The following NOS1 variants were observed in gnomAD, a reference collection of about 807,000 sequenced individuals.
The protein encoded by NOS1 is nitric oxide synthase 1, also known as NOS type I.
A neutral mutation model predicts 164.5 loss-of-function variants in NOS1; 51 were observed. The observed-to-expected ratio is 0.31, with a 90% CI of 0.25 to 0.39. The LOEUF is 0.39. Ranked by LOEUF, NOS1 falls within the 10% of genes least tolerant of loss-of-function variation. The probability of loss-of-function intolerance (pLI) is 1.00; values close to 1 mark genes in which losing one functional copy is unlikely to be tolerated. For synonymous variants in NOS1, 719 were observed against 745.8 expected (o/e 0.96, Z 0.59); for missense variants, 1,362 against 1,885.6 (o/e 0.72, Z 5.14).
rs1442514284 is a variant in NOS1 at position 117,211,004 on chromosome 12, T to A, written c.*4305A>T. The A allele has an allele frequency of 1.1e-6, 1 of 876,904 alleles. No homozygotes were observed. The highest frequency in any genetic ancestry group is 1.4e-6 in the Non-Finnish European group (1 of 731,266). 54.3% of individuals were successfully genotyped at this position (876,904 alleles called of 1,614,324 possible). A position where few individuals can be genotyped will look rare whatever the true frequency, so the allele number is the denominator to read the frequency against. ...AAGAGTCTTGCTCTGTCACCCAGGC[T>A]GGAGTGCAGTGGTACAATCTTGGCT... On this transcript the variant is annotated 3_prime_UTR_variant, in exon 29 of 29. Coordinates refer to ENST00000317775, the MANE Select transcript of NOS1 (RefSeq NM_000620.5).
intron 21 of NOS1, 86 bp from the exon 22 acceptor site, chr12:117,232,217 A>G: frequency 7.7e-7 from 1 of 1,292,608 alleles, no homozygotes; most frequent in East Asian, 2.4e-5. Flanking sequence ...GGAGCAGAGG[A>G]TGGGGCCAGG....
intron 3 of NOS1, among the ~76,000 whole-genome samples, chr12:117,303,589 A>G (rs1391043763): frequency 2.6e-5 from 4 of 152,044 alleles, no homozygotes; most frequent in Admixed American, 2.6e-4. Context: ...TGAAAACACC[A>G]CTTCCCAGGT....
chr12:117,243,663 T>A lies in NOS1; in HGVS notation c.2824-228A>T, dbSNP rs991281819. ...CTACCCTTTCGTTGTCTTCCTTCCATCCATTCACCCATCCACTCATCTACT... is the reference window on the plus strand; with the variant it reads ...CTACCCTTTCGTTGTCTTCCTTCCAACCATTCACCCATCCACTCATCTACT... On this transcript the variant is annotated intron_variant, in intron 18 of 28. Coordinates refer to ENST00000317775, the MANE Select transcript of NOS1 (RefSeq NM_000620.5). The surrounding 1 kb of genome is among the most constrained non-coding windows in gnomAD (Gnocchi z 4.3). Among the ~76,000 whole-genome samples the A allele has an allele frequency of 3.3e-5, 5 of 151,232 alleles. No individual in the cohort carries two copies. Among genetic ancestry groups the A allele is most frequent in the African/African-American group, 1.2e-4 (5 of 41,128 alleles).
intron 7 of NOS1, among the ~76,000 whole-genome samples, chr12:117,282,095 T>C (rs1011199124): frequency 3.9e-5 from 6 of 152,172 alleles, no homozygotes; most frequent in Admixed American, 1.3e-4. Flanking sequence ...AGATGTTGTC[T>C]GCTGAAGGTC....
At chr12:117,252,364 T>C (rs1871165133) in intron 17 of NOS1, among the ~76,000 whole-genome samples, 1 of 152,174 alleles carries the variant, frequency 6.6e-6, no homozygotes, top group Non-Finnish European at 1.5e-5. Context: ...GTAAAAAATA[T>C]GCAGTGACCA....
intron 19 of NOS1, 132 bp from the exon 20 acceptor site, chr12:117,242,837 G>A: frequency 1.3e-6 from 1 of 745,680 alleles, no homozygotes; most frequent in East Asian, 2.6e-5. Context: ...GATCACTTGA[G>A]GCCAGGGGTT....
intron 1 of NOS1, among the ~76,000 whole-genome samples, chr12:117,360,954 C>A (rs1241920915): frequency 1.3e-5 from 2 of 152,180 alleles, no homozygotes; most frequent in Non-Finnish European, 2.9e-5. Flanking sequence ...GCGTAGACCC[C>A]CGGACCGGAG....
rs141135081 is a variant in NOS1, at chr12:117,295,657, G to A, written c.853-5231C>T. Among the ~76,000 whole-genome samples the A allele has an allele frequency of 5.8e-3, 755 of 129,190 alleles. 6 individuals are homozygous for A. Among genetic ancestry groups the A allele is most frequent in the African/African-American group, 0.021 (716 of 34,500 alleles). The allele number at this position is 129,190 out of a possible 152,430, so 84.8% of individuals were successfully genotyped here. A position where few individuals can be genotyped will look rare whatever the true frequency, so the allele number is the denominator to read the frequency against. ...TTTTGAGACAGAGTCTCACTCTGTCGCCCAGGCTGAAGTGCAGTGGTGTGA... is the reference window on the plus strand; with the variant it reads ...TTTTGAGACAGAGTCTCACTCTGTCACCCAGGCTGAAGTGCAGTGGTGTGA... On this transcript the variant is annotated intron_variant, in intron 3 of 28. Coordinates refer to ENST00000317775, the MANE Select transcript of NOS1 (RefSeq NM_000620.5).
intron 1 of NOS1, among the ~76,000 whole-genome samples, chr12:117,333,027 T>C (rs1875622569): frequency 6.6e-6 from 1 of 152,216 alleles, no homozygotes; most frequent in Non-Finnish European, 1.5e-5. Context: ...CTGGAGATGC[T>C]GTGGCCCAGG....
intron 3 of NOS1, among the ~76,000 whole-genome samples, chr12:117,292,907 C>T (rs769176160): frequency 6.6e-6 from 1 of 152,152 alleles, no homozygotes; most frequent in Non-Finnish European, 1.5e-5. Context: ...ATCGATTTAG[C>T]ACAATGGATG....
rs1313036176 is a variant in NOS1, at chr12:117,234,676, G to A, written c.3124C>T (p.Pro1042Ser). ...YQPGDHLGVF[P>S]GNHEDLVNAL... ...TTCACGAGGTCCTCGTGGTTGCCAG[G>A]GAAGACACCCAGGTGGTCCCCAGGC... The change falls in exon 21 of 29, where the codon CCT becomes TCT. Residue 1042 changes from proline to serine, a missense_variant. Transcript: ENST00000317775. The surrounding 1 kb of genome is among the most constrained non-coding windows in gnomAD (Gnocchi z 4.3). 1.9e-6 allele frequency: 3 copies of A among 1,614,052 alleles called. No homozygotes were observed. The highest frequency in any genetic ancestry group is 2.2e-5 in the East Asian group (1 of 44,886).
intron 24 of NOS1, among the ~76,000 whole-genome samples, chr12:117,225,775 G>A (rs916416689): frequency 7.2e-5 from 11 of 152,184 alleles, no homozygotes; most frequent in African/African-American, 2.4e-4. Context: ...ACAGGCACCC[G>A]CCACCACCCT....
At chr12:117,321,458 C>T (rs1279015583) in intron 2 of NOS1, among the ~76,000 whole-genome samples, 1 of 152,124 alleles carries the variant, frequency 6.6e-6, no homozygotes, top group Non-Finnish European at 1.5e-5. Flanking sequence ...CCCCTGGTTA[C>T]CCATCATTTT....
chr12:117,236,065 A>G (rs1221679902), intron 20 of NOS1, among the ~76,000 whole-genome samples: 1 of 152,086 alleles, frequency 6.6e-6, no homozygotes, highest in Non-Finnish European at 1.5e-5. Context: ...CAAAAAACAA[A>G]CAAACCCCAT....
intron 2 of NOS1, among the ~76,000 whole-genome samples, chr12:117,316,808 T>A (rs1353345051): frequency 6.6e-6 from 1 of 152,210 alleles, no homozygotes; most frequent in Non-Finnish European, 1.5e-5. Context: ...GGATGTTAGA[T>A]GTTCTCTCCA....
chr12:117,343,123 G>A lies in NOS1; in HGVS notation c.-420-11634C>T, dbSNP rs184984680. Among the ~76,000 whole-genome samples the A allele has an allele frequency of 5.7e-4, 86 of 151,580 alleles. 1 individual carries two copies. The highest frequency in any genetic ancestry group is 4.5e-3 in the Admixed American group (68 of 15,190). Reference sequence around the variant, plus strand: ...GCGAGAGGATTGTTTGAGGCCAGGAGTTCAAGACCAGCCTGAGTAATATAG... The same window carrying A: ...GCGAGAGGATTGTTTGAGGCCAGGAATTCAAGACCAGCCTGAGTAATATAG... On this transcript the variant is annotated intron_variant, in intron 1 of 28. Transcript: ENST00000317775.
chr12:117,264,643 CTCCCTCTT>C (rs1872233098), intron 12 of NOS1, among the ~76,000 whole-genome samples: 1 of 129,120 alleles, frequency 7.7e-6, no homozygotes, highest in Non-Finnish European at 1.6e-5. Context: ...TTTCCCCCCT[CTCCCTCTT>C]TCCCTCTACA....
intron 2 of NOS1, among the ~76,000 whole-genome samples, chr12:117,327,749 T>C (rs1333341689): frequency 6.6e-6 from 1 of 152,058 alleles, no homozygotes; most frequent in Non-Finnish European, 1.5e-5. Flanking sequence ...GGACCAAAGG[T>C]GCAGGGAGGA....
intron 3 of NOS1, among the ~76,000 whole-genome samples, chr12:117,307,765 C>T (rs530572220): frequency 3.4e-4 from 51 of 152,118 alleles, no homozygotes; most frequent in South Asian, 1.5e-3. Context: ...ACCTGTAATC[C>T]GAGCACTTTG....
Sources: allele counts gnomAD v4.1 joint callset (sites outside exome capture counted in the v4.1 genomes callset), GRCh38; gene constraint gnomAD v4.1.1; non-coding constraint Gnocchi (gnomAD v3.1); transcripts MANE v1.5; gene names NCBI Gene and HGNC (gene_info 2026-07-23, HGNC 2026-07-21).